CSMD1: variants seen among roughly 807,000 people sequenced by gnomAD.
CSMD1 encodes CUB and sushi domain-containing protein 1.
A neutral mutation model predicts 417.5 loss-of-function variants in CSMD1; 213 were observed. The ratio of observed to expected loss-of-function variants is 0.51; its 90% CI spans 0.46 to 0.57. CSMD1 has a LOEUF of 0.57. CSMD1 is among the 20% of genes least tolerant of loss of function. The pLI is 0.00. For missense variants in CSMD1, 6,923 were observed against 4,529.7 expected (o/e 1.53, Z -15.17); for synonymous variants, 2,862 against 1,736.8 (o/e 1.65, Z -16.11).
At position 3,029,531 on chromosome 8, in the gene CSMD1, A is replaced by T. The variant is rs751356137; in HGVS notation, c.7661-18T>A. On this transcript the variant is annotated intron_variant, in intron 50 of 69. Coordinates refer to ENST00000635120, the MANE Select transcript of CSMD1 (RefSeq NM_033225.6). ...AGCGACCGCTGGAAGGGAAACGTAC[A>T]TCACATCATCATTTTTCTTTTTTGG... 1.3e-6 allele frequency: 2 copies of T among 1,565,114 alleles called. No homozygotes were observed. The highest frequency in any genetic ancestry group is 1.7e-6 in the Non-Finnish European group (2 of 1,153,450).
intron 1 of CSMD1, among the ~76,000 whole-genome samples, chr8:4,826,708 C>T (rs1799852387): frequency 6.6e-6 from 1 of 152,098 alleles, no homozygotes; most frequent in Admixed American, 6.6e-5. Flanking sequence ...CTGCGCTCTG[C>T]CTTTCGTGAC....
chr8:3,714,827 A>C (rs145010835), intron 6 of CSMD1, among the ~76,000 whole-genome samples: 7 of 152,272 alleles, frequency 4.6e-5, no homozygotes, highest in African/African-American at 1.7e-4. Flanking sequence ...CAAGATAAAA[A>C]TTAAACTGTT....
intron 1 of CSMD1, among the ~76,000 whole-genome samples, chr8:4,717,310 C>CATATATATATAT (rs377764710): frequency 0.049 from 6,763 of 136,908 alleles, 322 homozygotes; most frequent in African/African-American, 0.098. Flanking sequence ...TCTCTCTCTC[C>CATATATATATAT]ATATATATAT....
chr8:3,972,466 T>C (rs544837857), intron 5 of CSMD1, among the ~76,000 whole-genome samples: 7 of 152,370 alleles, frequency 4.6e-5, no homozygotes, highest in East Asian at 1.9e-4. Context: ...CCTTGGCTTC[T>C]TTCATTCCTT....
At chr8:3,511,707 G>A (rs942663790) in intron 10 of CSMD1, among the ~76,000 whole-genome samples, 1 of 149,066 alleles carries the variant, frequency 6.7e-6, no homozygotes, top group East Asian at 1.9e-4. Context: ...GTGGTGAGAT[G>A]AGATCACTAT....
intron 3 of CSMD1, among the ~76,000 whole-genome samples, chr8:4,083,065 C>T (rs1031742192): frequency 6.6e-6 from 1 of 152,124 alleles, no homozygotes; most frequent in East Asian, 1.9e-4. Flanking sequence ...AATAGTGCCA[C>T]AATAAACATA....
At chr8:4,549,895 T>TAAAAA (rs1563277700) in intron 2 of CSMD1, among the ~76,000 whole-genome samples, 6 of 65,820 alleles carry the variant, frequency 9.1e-5, no homozygotes, top group Non-Finnish European at 1.1e-4. Context: ...AGACTTTGTC[T>TAAAAA]CAAAAAAAAA....
chr8:3,857,708 G>A (rs1302592843), intron 5 of CSMD1, among the ~76,000 whole-genome samples: 1 of 152,140 alleles, frequency 6.6e-6, no homozygotes, highest in Non-Finnish European at 1.5e-5. Flanking sequence ...TCAAATACCA[G>A]GTGTGATGAT....
At chr8:4,699,804 A>T (rs187691392) in intron 1 of CSMD1, among the ~76,000 whole-genome samples, 114 of 152,368 alleles carry the variant, frequency 7.5e-4, no homozygotes, top group African/African-American at 2.7e-3. Context: ...ACTCACCTAA[A>T]GAATGAACAG....
chr8:2,980,500 C>G (rs533423636), intron 54 of CSMD1, among the ~76,000 whole-genome samples: 1 of 152,094 alleles, frequency 6.6e-6, no homozygotes, highest in East Asian at 1.9e-4. Flanking sequence ...TTCTCCTCCT[C>G]CTTATCATTT....
chr8:4,933,058 G>T (rs1190245101), intron 1 of CSMD1, among the ~76,000 whole-genome samples: 2 of 151,828 alleles, frequency 1.3e-5, no homozygotes, highest in African/African-American at 4.8e-5. Context: ...AAGGAATCAG[G>T]TAATCAATAG....
intron 1 of CSMD1, among the ~76,000 whole-genome samples, chr8:4,817,452 G>C (rs960124475): frequency 1.7e-4 from 26 of 152,208 alleles, no homozygotes; most frequent in African/African-American, 6.0e-4. Context: ...GGAGCAAGAC[G>C]CACCTTCTCT....
chr8:3,262,706 C>A (rs994547529), intron 26 of CSMD1, among the ~76,000 whole-genome samples: 3 of 151,960 alleles, frequency 2.0e-5, no homozygotes, highest in East Asian at 1.9e-4. Flanking sequence ...ATCTGCCCCT[C>A]GAGAGTTCAT....
chr8:3,614,795 A>G (rs1802057414), intron 8 of CSMD1, among the ~76,000 whole-genome samples: 1 of 152,208 alleles, frequency 6.6e-6, no homozygotes, highest in Admixed American at 6.6e-5. Context: ...TGAGGATGCA[A>G]AGATAAGACA....
intron 68 of CSMD1, 23 bp from the exon 69 acceptor site, chr8:2,942,627 A>T (rs1801959658): frequency 6.5e-7 from 1 of 1,533,852 alleles, no homozygotes; most frequent in African/African-American, 1.4e-5. Flanking sequence ...GGAAATATTA[A>T]ATTTGTTGTT....
chr8:4,524,734 C>A (rs1021580400), intron 2 of CSMD1, among the ~76,000 whole-genome samples: 1 of 152,054 alleles, frequency 6.6e-6, no homozygotes, highest in Non-Finnish European at 1.5e-5. Context: ...TCCTAAAATT[C>A]TTTCAAACAA....
At chr8:3,649,776 T>C (rs1797755271) in intron 7 of CSMD1, among the ~76,000 whole-genome samples, 2 of 152,140 alleles carry the variant, frequency 1.3e-5, no homozygotes, top group Admixed American at 6.6e-5. Context: ...AATATTAAAA[T>C]CACTAATACT....
At chr8:3,338,518 TG>T (rs1214647491) in intron 23 of CSMD1, among the ~76,000 whole-genome samples, 1 of 152,176 alleles carries the variant, frequency 6.6e-6, no homozygotes, top group African/African-American at 2.4e-5. Flanking sequence ...AATCTGGTTG[TG>T]GGGCAGGATG....
At chr8:3,431,700 A>G (rs1345178372) in intron 12 of CSMD1, among the ~76,000 whole-genome samples, 1 of 152,220 alleles carries the variant, frequency 6.6e-6, no homozygotes, top group East Asian at 1.9e-4. Flanking sequence ...TCTTGCTAAA[A>G]TTAAGAGGAA....
Sources: allele counts gnomAD v4.1 joint callset (sites outside exome capture counted in the v4.1 genomes callset), GRCh38; gene constraint gnomAD v4.1.1; transcripts MANE v1.5; gene names NCBI Gene and HGNC (gene_info 2026-07-23, HGNC 2026-07-21).